ASXL2: variants seen among roughly 807,000 people sequenced by gnomAD.
ASXL2 encodes putative Polycomb group protein ASXL2.
A neutral mutation model predicts 122.0 loss-of-function variants in ASXL2; 23 were observed. The ratio of observed to expected loss-of-function variants is 0.19; its 90% CI spans 0.14 to 0.27. The LOEUF is 0.27. Among genes scored for constraint, ASXL2 ranks in the 10% least tolerant of loss-of-function variants. The probability of loss-of-function intolerance (pLI) is 1.00; values close to 1 mark genes in which losing one functional copy is unlikely to be tolerated. For synonymous variants in ASXL2, 650 were observed against 637.0 expected (o/e 1.02, Z -0.31); for missense variants, 1,518 against 1,713.8 (o/e 0.89, Z 2.02).
intron 5 of ASXL2, among the ~76,000 whole-genome samples, chr2:25,790,174 A>G (rs188996603): frequency 5.3e-4 from 80 of 152,232 alleles, no homozygotes; most frequent in African/African-American, 1.7e-3. Flanking sequence ...AAGCAAGAAC[A>G]TTTAGGTACT....
chr2:25,759,678 C>A, intron 8 of ASXL2, 33 bp from the exon 9 acceptor site: 1 of 1,586,878 alleles, frequency 6.3e-7, no homozygotes, highest in South Asian at 1.1e-5. Context: ...TTTGGGCCTC[C>A]CTCACAAGTC....
rs774594873 is a variant in ASXL2, at chr2:25,759,611, G to A, written c.810C>T (p.Asp270=). Reference sequence around the variant, plus strand: ...CCAGAATGGAGTCCGGTGTCTCAACGTCAATGTCAGCACATTTAGTTCTTT... The same window carrying A: ...CCAGAATGGAGTCCGGTGTCTCAACATCAATGTCAGCACATTTAGTTCTTT... ...QMKRTKCADI[D]VETPDSILVN... Residue 270 remains aspartate, a synonymous_variant, in exon 9 of 13, where the codon GAC becomes GAT. Coordinates refer to ENST00000435504, the MANE Select transcript of ASXL2 (RefSeq NM_018263.6). 18 of 1,613,260 alleles carry A rather than the reference G, an allele frequency of 1.1e-5. No homozygotes were observed. The highest frequency in any genetic ancestry group is 2.7e-5 in the African/African-American group (2 of 74,902).
chr2:25,776,907 C>T (rs1166043364), intron 5 of ASXL2, among the ~76,000 whole-genome samples: 1 of 152,170 alleles, frequency 6.6e-6, no homozygotes, highest in Non-Finnish European at 1.5e-5. Context: ...CCAGGACAAA[C>T]TGCTTAGAAT....
chr2:25,856,566 A>C, intron 1 of ASXL2: 1 of 1,156,216 alleles, frequency 8.6e-7, no homozygotes, highest in Non-Finnish European at 1.3e-6. Flanking sequence ...CAGACGCTCC[A>C]AGGGGTAGGG....
At position 25,800,435 on chromosome 2, in the gene ASXL2, T is replaced by TC. The variant is rs138393920; in HGVS notation, c.253-901dup. Among the ~76,000 whole-genome samples the TC allele has an allele frequency of 5.4e-3, 825 of 152,270 alleles. 45 individuals carry two copies. In the East Asian group the frequency reaches 0.13, roughly 24 times the overall value. On this transcript the variant is annotated intron_variant, in intron 4 of 12. Transcript: ENST00000435504. The stretch of plus-strand genomic sequence containing the variant: ...AGTGCATTATTTGAATCTAATTGGT[T>TC]CCTGAATATTGGTTAGTAAGTAGCA...
intron 3 of ASXL2, among the ~76,000 whole-genome samples, chr2:25,820,491 A>G (rs1267902243): frequency 6.6e-6 from 1 of 152,252 alleles, no homozygotes; most frequent in Non-Finnish European, 1.5e-5. Context: ...TGCTACAAAC[A>G]TGATGGAATT....
At chr2:25,748,610 A>G (rs1324671291) in intron 12 of ASXL2, among the ~76,000 whole-genome samples, 1 of 152,194 alleles carries the variant, frequency 6.6e-6, no homozygotes, top group African/African-American at 2.4e-5. Flanking sequence ...TTAAATAAAA[A>G]GGGGGAAAAA....
intron 5 of ASXL2, among the ~76,000 whole-genome samples, chr2:25,779,416 C>T (rs1425592314): frequency 6.6e-6 from 1 of 151,754 alleles, no homozygotes; most frequent in Non-Finnish European, 1.5e-5. Flanking sequence ...TATTTTTATC[C>T]CGTTTCTTCC....
At chr2:25,780,644 T>C (rs186647095) in intron 5 of ASXL2, among the ~76,000 whole-genome samples, 3 of 152,346 alleles carry the variant, frequency 2.0e-5, no homozygotes, top group East Asian at 1.9e-4. Flanking sequence ...CTGAGAATCA[T>C]TGTTCTTAAT....
At chr2:25,805,614 T>C (rs968755339) in intron 4 of ASXL2, among the ~76,000 whole-genome samples, 1 of 152,210 alleles carries the variant, frequency 6.6e-6, no homozygotes, top group African/African-American at 2.4e-5. Flanking sequence ...ACAATTATTA[T>C]ACAAATGTTG....
intron 8 of ASXL2, among the ~76,000 whole-genome samples, chr2:25,762,952 G>A (rs1420218343): frequency 5.3e-5 from 8 of 152,168 alleles, no homozygotes; most frequent in African/African-American, 1.7e-4. Flanking sequence ...TATTAACATC[G>A]AATGAAAGAT....
At chr2:25,757,084 A>G (rs1415005217) in intron 9 of ASXL2, among the ~76,000 whole-genome samples, 2 of 152,096 alleles carry the variant, frequency 1.3e-5, no homozygotes, top group Admixed American at 6.5e-5. Context: ...GCCTTCTAAT[A>G]TATTGAAGGA....
At chr2:25,773,226 T>C (rs1362452470) in intron 5 of ASXL2, among the ~76,000 whole-genome samples, 1 of 150,336 alleles carries the variant, frequency 6.7e-6, no homozygotes, top group Non-Finnish European at 1.5e-5. Context: ...AAAAAGATGC[T>C]GACTTATCGT....
rs536055019 is a variant in ASXL2 at position 25,802,208 on chromosome 2, C to T, written c.253-2673G>A. Reference sequence around the variant, plus strand: ...ACAACAACAAAAAACGGCTACATTCCTTTATTCAAAATTAATTCTTATTTC... The same window carrying T: ...ACAACAACAAAAAACGGCTACATTCTTTTATTCAAAATTAATTCTTATTTC... On this transcript the variant is annotated intron_variant, in intron 4 of 12. Transcript: ENST00000435504. Among the ~76,000 whole-genome samples, 17 of 152,286 alleles carry T rather than the reference C, an allele frequency of 1.1e-4. No individual in the cohort carries two copies. The South Asian group carries it at 3.3e-3, about 30-fold the overall frequency.
In ASXL2 at chr2:25,736,965, T is replaced by C. The variant is rs905084456; in HGVS notation, c.*5064A>G. ...TTTGCAGCCACAAAATGAGTTCTCG[T>C]GGATTAGACAGCAATCTCGGTATGG... On this transcript the variant is annotated 3_prime_UTR_variant, in exon 13 of 13. Coordinates refer to ENST00000435504, the MANE Select transcript of ASXL2 (RefSeq NM_018263.6). The C allele has an allele frequency of 6.6e-6, 1 of 152,216 alleles. No homozygotes were observed. The highest frequency in any genetic ancestry group is 1.5e-5 in the Non-Finnish European group (1 of 68,042). The allele number at this position is 152,216 out of a possible 1,614,324, so 9.4% of individuals were successfully genotyped here. A position where few individuals can be genotyped will look rare whatever the true frequency, so the allele number is the denominator to read the frequency against.
At chr2:25,761,509 C>T (rs1396792709) in intron 8 of ASXL2, among the ~76,000 whole-genome samples, 5 of 151,772 alleles carry the variant, frequency 3.3e-5, no homozygotes, top group Non-Finnish European at 7.4e-5. Context: ...ATCGTCTCTA[C>T]TAAAAATAGA....
intron 3 of ASXL2, among the ~76,000 whole-genome samples, chr2:25,819,237 A>G (rs2149180550): frequency 6.6e-6 from 1 of 152,352 alleles, no homozygotes; most frequent in African/African-American, 2.4e-5. Context: ...CTCCTGACAC[A>G]TAGAAACTGA....
chr2:25,736,775 T>G lies in ASXL2; in HGVS notation c.*5254A>C, dbSNP rs2149132804. The G allele has an allele frequency of 6.6e-6, 1 of 152,276 alleles. No homozygotes were observed. The highest frequency in any genetic ancestry group is 1.9e-4 in the East Asian group (1 of 5,190). The allele number at this position is 152,276 out of a possible 1,614,324, so 9.4% of individuals were successfully genotyped here. A position where few individuals can be genotyped will look rare whatever the true frequency, so the allele number is the denominator to read the frequency against. On this transcript the variant is annotated 3_prime_UTR_variant, in exon 13 of 13. Transcript: ENST00000435504. ...TACAATAAAAAGTCAGTTTTATGGG[T>G]CATCAAGATACACTCTCGAAAATCT...
In ASXL2 at chr2:25,738,903, T is replaced by C. The variant is rs1186491328; in HGVS notation, c.*3126A>G. On this transcript the variant is annotated 3_prime_UTR_variant, in exon 13 of 13. Coordinates refer to ENST00000435504, the MANE Select transcript of ASXL2 (RefSeq NM_018263.6). Reference sequence around the variant, plus strand: ...TGTTACATGAAATACCACAGATAGCTTCAGTATCTTGAGCATAGGGGTTAT... The same window carrying C: ...TGTTACATGAAATACCACAGATAGCCTCAGTATCTTGAGCATAGGGGTTAT... 6.6e-6 allele frequency: 1 copy of C among 152,188 alleles called. No individual in the cohort carries two copies. The highest frequency in any genetic ancestry group is 1.5e-5 in the Non-Finnish European group (1 of 68,032). The allele number at this position is 152,188 out of a possible 1,614,324, so 9.4% of individuals were successfully genotyped here.
Sources: gnomAD v4.1 joint callset for allele counts (sites outside exome capture counted in the v4.1 genomes callset) on GRCh38, gnomAD v4.1.1 for gene constraint, MANE v1.5 for transcripts, NCBI Gene and HGNC (gene_info 2026-07-23, HGNC 2026-07-21) for gene names.